The following CPLX2 variants were observed in gnomAD, a reference collection of about 807,000 sequenced individuals.
CPLX2 encodes complexin-2.
In CPLX2, 5 loss-of-function variants were observed where a neutral mutation model predicts 16.3. The observed-to-expected ratio is 0.31, with a 90% CI of 0.16 to 0.64. The LOEUF (loss-of-function observed/expected upper bound fraction) is 0.64. CPLX2 is among the 30% of genes least tolerant of loss of function. CPLX2 has a pLI of 0.79. For missense variants in CPLX2, 144 were observed against 181.4 expected (o/e 0.79, Z 1.18); for synonymous variants, 89 against 73.2 (o/e 1.22, Z -1.10).
rs1343374265 is a variant in CPLX2 at position 175,880,315 on chromosome 5, G to A, written c.*270G>A. The A allele has an allele frequency of 1.7e-5, 9 of 516,532 alleles. No individual in the cohort carries two copies. The highest frequency in any genetic ancestry group is 3.8e-5 in the African/African-American group (2 of 52,002). 32.0% of individuals were successfully genotyped at this position (516,532 alleles called of 1,614,324 possible). On this transcript the variant is annotated 3_prime_UTR_variant, in exon 4 of 4. Coordinates refer to ENST00000393745, the MANE Select transcript of CPLX2 (RefSeq NM_001008220.2). ...AGGGGGGCCCCTCAGGAAGCCTAAG[G>A]TCGTGCTAGTGTGGTGACCCCCATA...
rs752660307 is a variant in CPLX2, at chr5:175,878,945, G to A, written c.69G>A (p.Glu23=). 3 of 1,612,132 alleles carry A rather than the reference G, an allele frequency of 1.9e-6. No individual in the cohort carries two copies. In the South Asian group the frequency reaches 3.3e-5, roughly 18 times the overall value. Residue 23 remains glutamate (E), a synonymous_variant, in exon 3 of 4, where the codon GAG becomes GAA. Coordinates refer to ENST00000393745, the MANE Select transcript of CPLX2 (RefSeq NM_001008220.2). The part of the protein sequence containing the change: ...TKDMGKMLGG[E]EEKDPDAQKK... ...ACATGGGGAAGATGCTGGGGGGAGA[G>A]GAGGAGAAGGACCCCGACGCGCAGA...
At chr5:175,815,985 G>A (rs1581072120) in intron 2 of CPLX2, among the ~76,000 whole-genome samples, 1 of 152,222 alleles carries the variant, frequency 6.6e-6, no homozygotes, top group South Asian at 2.1e-4. Context: ...GTTATACTGT[G>A]GCAACCAGTT....
chr5:175,815,523 G>T (rs1443858581), intron 2 of CPLX2, among the ~76,000 whole-genome samples: 2 of 152,108 alleles, frequency 1.3e-5, no homozygotes, highest in Non-Finnish European at 2.9e-5. Flanking sequence ...CACCTGGGCT[G>T]GTTTGTTTAA....
At chr5:175,868,322 T>C (rs1759515437), upstream of CPLX2, among the ~76,000 whole-genome samples, 1 of 152,236 alleles carries the variant, frequency 6.6e-6, no homozygotes, top group Admixed American at 6.5e-5. Flanking sequence ...CTGTGACAGT[T>C]GTCATTCCTC....
intron 1 of CPLX2, among the ~76,000 whole-genome samples, chr5:175,877,506 G>T (rs1290655235): frequency 6.6e-6 from 1 of 152,156 alleles, no homozygotes; most frequent in Non-Finnish European, 1.5e-5. Flanking sequence ...AGGCTGTGTG[G>T]GACAAAAGGC....
At chr5:175,862,956 G>A (rs956731607) in intron 2 of CPLX2, among the ~76,000 whole-genome samples, 75 of 152,242 alleles carry the variant, frequency 4.9e-4, no homozygotes, top group African/African-American at 1.7e-3. Context: ...GTTTTAAGGA[G>A]AGGAGTGATG....
chr5:175,810,566 G>A (rs183924443), intron 2 of CPLX2, among the ~76,000 whole-genome samples: 12 of 152,284 alleles, frequency 7.9e-5, no homozygotes, highest in Admixed American at 5.9e-4. Flanking sequence ...TGCTCAATAC[G>A]TGTGTACTGA....
chr5:175,825,321 G>A (rs371337678), intron 2 of CPLX2, among the ~76,000 whole-genome samples: 184 of 151,938 alleles, frequency 1.2e-3, no homozygotes, highest in Middle Eastern at 6.8e-3. Flanking sequence ...AACCCAGGAG[G>A]CAGAGGTTCA....
At chr5:175,839,500 G>A (rs1386725046) in intron 2 of CPLX2, among the ~76,000 whole-genome samples, 3 of 152,120 alleles carry the variant, frequency 2.0e-5, no homozygotes, top group African/African-American at 7.2e-5. Flanking sequence ...GGCCAGGCTG[G>A]TCTCGAACTC....
chr5:175,841,080 A>AAG (rs1000050367), intron 2 of CPLX2, among the ~76,000 whole-genome samples: 1 of 152,226 alleles, frequency 6.6e-6, no homozygotes, highest in African/African-American at 2.4e-5. Flanking sequence ...TTTAAGGTAG[A>AAG]AACAAGGAAA....
chr5:175,818,650 CTTTTTTTTTTTTTTTTT>C (rs70988300), intron 2 of CPLX2, among the ~76,000 whole-genome samples: 583 of 50,936 alleles, frequency 0.011, 16 homozygotes, highest in African/African-American at 0.041. Context: ...CTGTCCCAAC[CTTTTTTTTTTTTTTTTT>C]TTTTTTTTTT....
intron 2 of CPLX2, among the ~76,000 whole-genome samples, chr5:175,820,652 C>A (rs916183341): frequency 6.6e-6 from 1 of 152,230 alleles, no homozygotes; most frequent in South Asian, 2.1e-4. Context: ...TCCAAGCAGC[C>A]CCCCGCCCCC....
At chr5:175,874,408 T>C (rs1433158727) in intron 1 of CPLX2, among the ~76,000 whole-genome samples, 6 of 152,148 alleles carry the variant, frequency 3.9e-5, no homozygotes, top group Admixed American at 6.5e-5. Flanking sequence ...CCAGCCCAAC[T>C]GAATGCTGTG....
chr5:175,801,174 A>AAAAAC (rs1394861080), intron 1 of CPLX2, among the ~76,000 whole-genome samples: 1 of 148,562 alleles, frequency 6.7e-6, no homozygotes, highest in Non-Finnish European at 1.5e-5. Context: ...AAAAAAAAAA[A>AAAAAC]AACTGGGTTT....
intron 2 of CPLX2, among the ~76,000 whole-genome samples, chr5:175,855,120 GGGCATGACA>G (rs1211176018): frequency 1.3e-5 from 2 of 152,204 alleles, no homozygotes; most frequent in Non-Finnish European, 2.9e-5. Context: ...GGGGATTAAA[GGGCATGACA>G]GTCGGCAGGG....
At chr5:175,858,909 G>C (rs763379997) in intron 2 of CPLX2, among the ~76,000 whole-genome samples, 4 of 152,212 alleles carry the variant, frequency 2.6e-5, no homozygotes, top group Non-Finnish European at 4.4e-5. Context: ...GGGCAGAACC[G>C]GAGAAAGAAA....
intron 2 of CPLX2, among the ~76,000 whole-genome samples, chr5:175,857,683 A>T (rs1232430341): frequency 1.3e-5 from 2 of 152,222 alleles, no homozygotes; most frequent in Non-Finnish European, 2.9e-5. Context: ...GATTCTACTG[A>T]ATGTGTATTG....
chr5:175,803,363 C>G (rs1260033222), intron 1 of CPLX2, among the ~76,000 whole-genome samples: 1 of 152,110 alleles, frequency 6.6e-6, no homozygotes, highest in Non-Finnish European at 1.5e-5. Flanking sequence ...GGCAAGTAAA[C>G]AAAATCATTT....
chr5:175,860,634 G>GGAAGGAAGGAAC (rs1759356361), intron 2 of CPLX2, among the ~76,000 whole-genome samples: 1 of 151,038 alleles, frequency 6.6e-6, no homozygotes, highest in African/African-American at 2.4e-5. Context: ...AAGGAAGGAA[G>GGAAGGAAGGAAC]GAAGGAAGGG....
Sources: gnomAD v4.1 joint callset for allele counts (sites outside exome capture counted in the v4.1 genomes callset) on GRCh38, gnomAD v4.1.1 for gene constraint, MANE v1.5 for transcripts, NCBI Gene and HGNC (gene_info 2026-07-23, HGNC 2026-07-21) for gene names.